The following KLF12 variants were observed in gnomAD, a reference collection of about 807,000 sequenced individuals.
The protein encoded by KLF12 is KLF transcription factor 12, also known as Krueppel-like factor 12.
In KLF12, 9 loss-of-function variants were observed where a neutral mutation model predicts 37.8. The ratio of observed to expected loss-of-function variants is 0.24; its 90% CI spans 0.14 to 0.42. The LOEUF (loss-of-function observed/expected upper bound fraction) is 0.42. Ranked by LOEUF, KLF12 falls within the 10% of genes least tolerant of loss-of-function variation. The probability of loss-of-function intolerance (pLI) is 1.00; values close to 1 mark genes in which losing one functional copy is unlikely to be tolerated. For synonymous variants in KLF12, 208 were observed against 202.1 expected (o/e 1.03, Z -0.25); for missense variants, 411 against 516.0 (o/e 0.80, Z 1.97).
chr13:74,213,973 G>A, the KLF12 span, among the ~76,000 whole-genome samples: 1 of 151,700 alleles, frequency 6.6e-6, no homozygotes, highest in South Asian at 2.1e-4. Flanking sequence ...TTAATATAAT[G>A]TTTTTACATT....
At chr13:73,759,587 A>G (rs1879414172) in intron 6 of KLF12, among the ~76,000 whole-genome samples, 1 of 152,162 alleles carries the variant, frequency 6.6e-6, no homozygotes. Flanking sequence ...AAACATTCAC[A>G]TTTCTCTTGC....
intron 4 of KLF12, among the ~76,000 whole-genome samples, chr13:73,817,220 A>C (rs1883272378): frequency 6.6e-6 from 1 of 151,544 alleles, no homozygotes; most frequent in African/African-American, 2.4e-5. Context: ...TGGGAGGCTG[A>C]GGTGGGAGGA....
chr13:73,751,704 A>T (rs1024822217), intron 6 of KLF12, among the ~76,000 whole-genome samples: 1 of 152,236 alleles, frequency 6.6e-6, no homozygotes, highest in African/African-American at 2.4e-5. Context: ...TTCCAATGCT[A>T]AAGTCTTCTT....
intron 6 of KLF12, among the ~76,000 whole-genome samples, chr13:73,738,120 TATATACACACAC>T (rs1421754997): frequency 0.016 from 1,135 of 70,268 alleles, 19 homozygotes; most frequent in African/African-American, 0.09. Context: ...TATATATATA[TATATACACACAC>T]ACACATATAT....
intron 5 of KLF12, among the ~76,000 whole-genome samples, chr13:73,790,077 G>A (rs149145118): frequency 2.6e-5 from 4 of 152,274 alleles, no homozygotes; most frequent in African/African-American, 7.2e-5. Flanking sequence ...AATGTGGTGT[G>A]CCTGGTGCAT....
intron 6 of KLF12, among the ~76,000 whole-genome samples, chr13:73,733,018 A>C (rs772349751): frequency 6.0e-4 from 91 of 152,112 alleles, no homozygotes; most frequent in Non-Finnish European, 5.9e-5. Flanking sequence ...CGTATCTCAA[A>C]TTTGAATACT....
At chr13:73,881,541 T>G (rs999463628) in intron 3 of KLF12, among the ~76,000 whole-genome samples, 7 of 152,218 alleles carry the variant, frequency 4.6e-5, no homozygotes, top group African/African-American at 1.7e-4. Context: ...TTTTCTAATC[T>G]TTTATGTCCC....
At chr13:74,209,780 A>G in the KLF12 span, among the ~76,000 whole-genome samples, 1 of 152,224 alleles carries the variant, frequency 6.6e-6, no homozygotes, top group African/African-American at 2.4e-5. Flanking sequence ...GTTCTTGCAC[A>G]TAAGTGCCCA....
At chr13:74,033,456 A>C (rs1322817663) in intron 1 of KLF12, among the ~76,000 whole-genome samples, 1 of 152,212 alleles carries the variant, frequency 6.6e-6, no homozygotes, top group African/African-American at 2.4e-5. Context: ...ACTCAAAGGA[A>C]TGTTATAATT....
chr13:74,200,789 G>T, the KLF12 span, among the ~76,000 whole-genome samples: 1 of 151,984 alleles, frequency 6.6e-6, no homozygotes, highest in African/African-American at 2.4e-5. Context: ...AAAACTGAGC[G>T]AATGGCCCTT....
chr13:74,155,268 G>A, the KLF12 span, among the ~76,000 whole-genome samples: 4 of 152,142 alleles, frequency 2.6e-5, no homozygotes, highest in Non-Finnish European at 5.9e-5. Flanking sequence ...TAACCTAGGT[G>A]TTAAAAATTT....
intron 2 of KLF12, among the ~76,000 whole-genome samples, chr13:73,957,826 T>C (rs1890890300): frequency 6.6e-6 from 1 of 152,146 alleles, no homozygotes. Context: ...TGTAAATAAA[T>C]TGCTAAAGAA....
chr13:73,752,104 T>A (rs1162179839), intron 6 of KLF12, among the ~76,000 whole-genome samples: 2 of 152,172 alleles, frequency 1.3e-5, no homozygotes, highest in Admixed American at 1.3e-4. Flanking sequence ...TGCCTCGGCC[T>A]CCTAAGTAGC....
At chr13:74,077,574 T>C (rs570899785) in intron 1 of KLF12, among the ~76,000 whole-genome samples, 1 of 152,312 alleles carries the variant, frequency 6.6e-6, no homozygotes, top group Non-Finnish European at 1.5e-5. Context: ...TCCCAAATCC[T>C]AGTTCTGACC....
chr13:74,290,745 CA>C, the KLF12 span, among the ~76,000 whole-genome samples: 3 of 152,232 alleles, frequency 2.0e-5, no homozygotes, highest in African/African-American at 7.2e-5. Context: ...TTCTGCACTT[CA>C]ACAAACTGTT....
At chr13:74,070,272 G>A (rs17062078) in intron 1 of KLF12, among the ~76,000 whole-genome samples, 4 of 152,160 alleles carry the variant, frequency 2.6e-5, no homozygotes, top group Admixed American at 2.0e-4. Context: ...ATGCAAAAGC[G>A]AAGTCAAAGA....
At chr13:73,935,898 A>C (rs963245173) in intron 3 of KLF12, among the ~76,000 whole-genome samples, 2 of 152,136 alleles carry the variant, frequency 1.3e-5, no homozygotes, top group Non-Finnish European at 2.9e-5. Flanking sequence ...AGGCGTGAGC[A>C]CTTGGCCTCA....
intron 6 of KLF12, among the ~76,000 whole-genome samples, chr13:73,738,110 T>TGTATGTGCAC (rs1218452087): frequency 1.1e-5 from 1 of 90,476 alleles, no homozygotes; most frequent in African/African-American, 4.5e-5. Flanking sequence ...TATATATATA[T>TGTATGTGCAC]ATATATATAT....
intron 3 of KLF12, among the ~76,000 whole-genome samples, chr13:73,921,194 A>G (rs1889101104): frequency 6.6e-6 from 1 of 152,064 alleles, no homozygotes; most frequent in Non-Finnish European, 1.5e-5. Flanking sequence ...AACTTCAACC[A>G]TCTGGCCCCT....
Sources: gnomAD v4.1 joint callset for allele counts (sites outside exome capture counted in the v4.1 genomes callset) on GRCh38, gnomAD v4.1.1 for gene constraint, MANE v1.5 for transcripts, NCBI Gene and HGNC (gene_info 2026-07-23, HGNC 2026-07-21) for gene names.